The following CLIC6 variants were observed in gnomAD, a reference collection of about 807,000 sequenced individuals.
CLIC6 encodes the protein CLIC family member 6.
CLIC6 carries 39 observed loss-of-function variants against 49.2 expected under a neutral mutation model. The ratio of observed to expected loss-of-function variants is 0.79; its 90% CI spans 0.61 to 1.04. The LOEUF (loss-of-function observed/expected upper bound fraction) is 1.04, where lower values mean the gene tolerates loss of function less well. Ranked by LOEUF, CLIC6 falls within the 50% of genes least tolerant of loss-of-function variation. The pLI is 0.00. For missense variants in CLIC6, 988 were observed against 993.1 expected (o/e 0.99, Z 0.07); for synonymous variants, 446 against 433.4 (o/e 1.03, Z -0.36).
intron 1 of CLIC6, among the ~76,000 whole-genome samples, chr21:34,698,716 G>A (rs1163682241): frequency 6.6e-6 from 1 of 152,198 alleles, no homozygotes; most frequent in Non-Finnish European, 1.5e-5. Context: ...ACACTAGAAG[G>A]TCAGGTGACT....
intron 1 of CLIC6, among the ~76,000 whole-genome samples, chr21:34,703,008 C>A (rs1455669953): frequency 6.6e-6 from 1 of 151,358 alleles, no homozygotes; most frequent in Non-Finnish European, 1.5e-5. Context: ...TGGAATGGAG[C>A]GGCCCATTAT....
intron 1 of CLIC6, among the ~76,000 whole-genome samples, chr21:34,702,316 C>G (rs1033343917): frequency 3.3e-5 from 5 of 152,158 alleles, no homozygotes; most frequent in African/African-American, 1.2e-4. Context: ...ATGGGACAAT[C>G]TCTGGGTCCT....
chr21:34,697,423 C>T (rs909604807), intron 1 of CLIC6, among the ~76,000 whole-genome samples: 6 of 152,098 alleles, frequency 3.9e-5, no homozygotes, highest in Non-Finnish European at 5.9e-5. Flanking sequence ...CCCCTCCCCT[C>T]CCCTTCCCTT....
In CLIC6 at chr21:34,709,443, A is replaced by G; in HGVS notation, c.1804A>G (p.Thr602Ala). 1 of 1,614,042 alleles carries G rather than the reference A, an allele frequency of 6.2e-7. No individual in the cohort carries two copies. Among genetic ancestry groups the G allele is most frequent in the Admixed American group, 1.7e-5 (1 of 60,026 alleles). The change falls in exon 5 of 6, where the codon ACC becomes GCC. Residue 602 changes from threonine to alanine, a missense_variant. By Grantham distance (58) the Thr-to-Ala change is moderately conservative. Coordinates refer to ENST00000349499, the MANE Select transcript of CLIC6 (RefSeq NM_053277.3). ...PLPDEIDAYS[T>A]EDVTVSGRKF... ...GCCTGATGAAATAGATGCCTACAGC[A>G]CCGAGGATGTCACTGTTTCTGGAAG...
intron 5 of CLIC6, among the ~76,000 whole-genome samples, chr21:34,713,836 A>C (rs759647747): frequency 4.6e-5 from 7 of 152,294 alleles, no homozygotes; most frequent in Admixed American, 2.0e-4. Flanking sequence ...TTTGAGAATA[A>C]AAAACAACCC....
intron 1 of CLIC6, among the ~76,000 whole-genome samples, chr21:34,680,586 G>A (rs144391581): frequency 9.9e-5 from 15 of 152,096 alleles, no homozygotes; most frequent in African/African-American, 3.6e-4. Flanking sequence ...TTTATGCTCT[G>A]TTTCCTCTTG....
intron 1 of CLIC6, among the ~76,000 whole-genome samples, chr21:34,704,659 G>A (rs775435934): frequency 1.3e-5 from 2 of 152,172 alleles, no homozygotes; most frequent in Non-Finnish European, 1.5e-5. Context: ...TGGCAGATCC[G>A]AGAAGGAGCC....
At chr21:34,683,944 G>A (rs958938482) in intron 1 of CLIC6, among the ~76,000 whole-genome samples, 2 of 152,124 alleles carry the variant, frequency 1.3e-5, no homozygotes, top group Admixed American at 6.5e-5. Flanking sequence ...TAATTTTGAA[G>A]CTTTTGTGGA....
chr21:34,718,152 GA>G lies in CLIC6; in HGVS notation c.*1671del, dbSNP rs1333140738. 1.3e-5 allele frequency: 2 copies of G among 152,606 alleles called. No homozygotes were observed. The highest frequency in any genetic ancestry group is 2.1e-4 in the South Asian group (1 of 4,828). The allele number at this position is 152,606 out of a possible 1,614,324, so 9.5% of individuals were successfully genotyped here. The stretch of plus-strand genomic sequence containing the variant: ...TACTAGTGCTAACTTTGTATTCTTA[GA>G]CATTAAAATGATTGACATAAACTCT... On this transcript the variant is annotated 3_prime_UTR_variant, in exon 6 of 6. Coordinates refer to ENST00000349499, the MANE Select transcript of CLIC6 (RefSeq NM_053277.3).
At chr21:34,711,019 T>C (rs748446341) in intron 5 of CLIC6, among the ~76,000 whole-genome samples, 2 of 152,092 alleles carry the variant, frequency 1.3e-5, no homozygotes, top group Non-Finnish European at 2.9e-5. Flanking sequence ...AGAAGTTGAA[T>C]GTGATTGCTG....
intron 1 of CLIC6, among the ~76,000 whole-genome samples, chr21:34,699,870 G>A (rs1990156477): frequency 6.6e-6 from 1 of 152,210 alleles, no homozygotes; most frequent in African/African-American, 2.4e-5. Context: ...AGTGCATGGG[G>A]TTTTATAGAC....
Position 34,707,278 on chromosome 21 carries a change from A to C in CLIC6, c.1375-2A>C. On this transcript the variant is annotated splice_acceptor_variant, in intron 1 of 5. Transcript: ENST00000349499. LOFTEE classifies it high-confidence loss of function. ...GATAGAAATCTCCTTCTCCACTTGTAGGCTGGTTATGATGGTGAGAGTATC... is the reference window on the plus strand; with the variant it reads ...GATAGAAATCTCCTTCTCCACTTGTCGGCTGGTTATGATGGTGAGAGTATC... 1 of 1,610,266 alleles carries C rather than the reference A, an allele frequency of 6.2e-7. No homozygotes were observed.
intron 1 of CLIC6, among the ~76,000 whole-genome samples, chr21:34,705,402 G>A (rs1221628439): frequency 6.6e-6 from 1 of 152,118 alleles, no homozygotes; most frequent in Non-Finnish European, 1.5e-5. Flanking sequence ...CCCCAAGGTG[G>A]GGAACAGCCT....
At position 34,713,325 on chromosome 21, in the gene CLIC6, G is replaced by A. The variant is rs547724297; in HGVS notation, c.1900-2996G>A. ...TTTTTGAGAAAAATCTCAAAGACAA[G>A]ACACAAGATGTTCAAAAATATATTA... On this transcript the variant is annotated intron_variant, in intron 5 of 5. Coordinates refer to ENST00000349499, the MANE Select transcript of CLIC6 (RefSeq NM_053277.3). 5.9e-5 allele frequency among the ~76,000 whole-genome samples: 9 copies of A among 152,202 alleles called. No homozygotes were observed. In the South Asian group the frequency reaches 1.9e-3, roughly 31 times the overall value.
intron 1 of CLIC6, among the ~76,000 whole-genome samples, chr21:34,705,786 G>T (rs561160064): frequency 6.6e-6 from 1 of 151,872 alleles, no homozygotes; most frequent in East Asian, 2.0e-4. Flanking sequence ...TCCAATTGGG[G>T]GTTCACATTG....
At chr21:34,698,245 C>T (rs1284789032) in intron 1 of CLIC6, among the ~76,000 whole-genome samples, 1 of 152,186 alleles carries the variant, frequency 6.6e-6, no homozygotes, top group East Asian at 1.9e-4. Flanking sequence ...AGAAAATTCA[C>T]ATGGGCCACG....
At chr21:34,697,677 G>A (rs1449131335) in intron 1 of CLIC6, among the ~76,000 whole-genome samples, 1 of 152,172 alleles carries the variant, frequency 6.6e-6, no homozygotes, top group Non-Finnish European at 1.5e-5. Context: ...GGAGATGGTG[G>A]GATTTTCAGT....
In CLIC6 at chr21:34,710,932, G is replaced by A. The variant is rs76190449; in HGVS notation, c.1899+1394G>A. 6.3e-3 allele frequency among the ~76,000 whole-genome samples: 962 copies of A among 152,294 alleles called. 15 individuals are homozygous for A. Among genetic ancestry groups the A allele is most frequent in the African/African-American group, 0.022 (905 of 41,550 alleles). The stretch of plus-strand genomic sequence containing the variant: ...AAGAGTGACCCCTGGAGCTCCAAGC[G>A]GATATCCCCACACTCGGACTCTGTA... On this transcript the variant is annotated intron_variant, in intron 5 of 5. Transcript: ENST00000349499.
At chr21:34,707,874 C>T (rs575254652) in intron 2 of CLIC6, 70 bp from the exon 3 acceptor site, 82 of 1,560,586 alleles carry the variant, frequency 5.3e-5, no homozygotes, top group East Asian at 3.1e-4. Flanking sequence ...GGTGAGGACG[C>T]GGCTAAGCCC....
Sources: allele counts gnomAD v4.1 joint callset (sites outside exome capture counted in the v4.1 genomes callset), GRCh38; gene constraint gnomAD v4.1.1; transcripts MANE v1.5; gene names NCBI Gene and HGNC (gene_info 2026-07-23, HGNC 2026-07-21).